The following TAFA1 variants were observed in gnomAD, a reference collection of about 807,000 sequenced individuals.
TAFA1 encodes TAFA chemokine like family member 1.
In TAFA1, 4 loss-of-function variants were observed where a neutral mutation model predicts 18.5. That is an observed-to-expected ratio of 0.22 (90% CI 0.11 to 0.49). The LOEUF (loss-of-function observed/expected upper bound fraction) is 0.49, where lower values mean the gene tolerates loss of function less well. Ranked by LOEUF, TAFA1 falls within the 20% of genes least tolerant of loss-of-function variation. The pLI, the probability that TAFA1 is intolerant of heterozygous loss-of-function variation, is 0.98. For synonymous variants in TAFA1, 56 were observed against 55.2 expected (o/e 1.01, Z -0.06); for missense variants, 147 against 169.0 (o/e 0.87, Z 0.72).
intron 2 of TAFA1, among the ~76,000 whole-genome samples, chr3:68,089,806 C>T (rs990034005): frequency 6.6e-6 from 1 of 152,126 alleles, no homozygotes; most frequent in African/African-American, 2.4e-5. Flanking sequence ...AATGTCTGGG[C>T]TAGGTCTTGT....
chr3:68,039,867 T>C (rs944929430), intron 2 of TAFA1, among the ~76,000 whole-genome samples: 2 of 152,114 alleles, frequency 1.3e-5, no homozygotes, highest in Admixed American at 1.3e-4. Flanking sequence ...AGAAGTCCCA[T>C]TGGAGGGGTG....
chr3:68,428,811 T>C (rs1286171988), intron 3 of TAFA1, among the ~76,000 whole-genome samples: 1 of 152,002 alleles, frequency 6.6e-6, no homozygotes, highest in African/African-American at 2.4e-5. Flanking sequence ...TCACATCCTT[T>C]AAATTTAGAG....
At chr3:68,447,625 A>C (rs1041805071) in intron 3 of TAFA1, among the ~76,000 whole-genome samples, 1 of 152,212 alleles carries the variant, frequency 6.6e-6, no homozygotes, top group Non-Finnish European at 1.5e-5. Context: ...GGTAGTTGAA[A>C]ATTTTAAAAA....
intron 2 of TAFA1, among the ~76,000 whole-genome samples, chr3:68,208,435 C>T (rs1157330409): frequency 6.6e-6 from 1 of 151,898 alleles, no homozygotes; most frequent in Non-Finnish European, 1.5e-5. Context: ...TATGTAGGGT[C>T]CCACCAGATT....
intron 3 of TAFA1, among the ~76,000 whole-genome samples, chr3:68,517,642 C>T (rs1355528): frequency 0.8 from 121,587 of 152,078 alleles, 48,686 homozygotes; most frequent in East Asian, 0.9. Flanking sequence ...TCCTGTCAAA[C>T]GAACTAATTC....
chr3:68,013,947 T>C (rs1041637876), intron 2 of TAFA1, among the ~76,000 whole-genome samples: 1 of 152,218 alleles, frequency 6.6e-6, no homozygotes, highest in Admixed American at 6.5e-5. Flanking sequence ...CAAGTTGTTC[T>C]CTGAGTCTGC....
At chr3:68,249,061 G>T (rs1252532253) in intron 2 of TAFA1, among the ~76,000 whole-genome samples, 1 of 151,982 alleles carries the variant, frequency 6.6e-6, no homozygotes, top group Non-Finnish European at 1.5e-5. Flanking sequence ...TCTTGAACCT[G>T]GTGCCTTCCC....
At chr3:68,458,512 A>G (rs972863477) in intron 3 of TAFA1, among the ~76,000 whole-genome samples, 1 of 152,146 alleles carries the variant, frequency 6.6e-6, no homozygotes, top group African/African-American at 2.4e-5. Context: ...TATAATTTCT[A>G]AGAGGGCTCA....
intron 2 of TAFA1, among the ~76,000 whole-genome samples, chr3:68,014,390 T>C (rs570734546): frequency 2.0e-4 from 30 of 152,250 alleles, no homozygotes; most frequent in African/African-American, 6.7e-4. Flanking sequence ...TTCTTTAAAA[T>C]TCAAAAAGTG....
chr3:68,370,355 C>CACATATATAT (rs1559637487), intron 2 of TAFA1, among the ~76,000 whole-genome samples: 45 of 57,768 alleles, frequency 7.8e-4, no homozygotes, highest in African/African-American at 3.5e-3. Flanking sequence ...TATATATATA[C>CACATATATAT]ACACACACAC....
intron 2 of TAFA1, among the ~76,000 whole-genome samples, chr3:68,409,487 T>G (rs2070672644): frequency 6.6e-6 from 1 of 152,110 alleles, no homozygotes; most frequent in Non-Finnish European, 1.5e-5. Flanking sequence ...TCCCCTGCAC[T>G]CTCTCTCCTG....
In TAFA1 at chr3:68,511,567, T is replaced by G. The variant is rs141318278; in HGVS notation, c.260-27189T>G. 2.6e-3 allele frequency among the ~76,000 whole-genome samples: 398 copies of G among 152,206 alleles called. 2 individuals are homozygous for G. Among genetic ancestry groups the G allele is most frequent in the African/African-American group, 8.9e-3 (370 of 41,554 alleles). ...AGGTTTTCATGCCTTAAAATGATTC[T>G]AAGGTATATCTTACTTTAAATAACT... On this transcript the variant is annotated intron_variant, in intron 3 of 4. Coordinates refer to ENST00000478136, the MANE Select transcript of TAFA1 (RefSeq NM_213609.4).
intron 4 of TAFA1, 129 bp from the exon 5 acceptor site, chr3:68,544,357 C>A: frequency 1.2e-6 from 1 of 854,986 alleles, no homozygotes; most frequent in Non-Finnish European, 1.9e-6. Context: ...AGATTTTTGA[C>A]TTCAGATCAC....
At chr3:68,531,760 T>C (rs868682560) in intron 3 of TAFA1, among the ~76,000 whole-genome samples, 1 of 152,046 alleles carries the variant, frequency 6.6e-6, no homozygotes, top group Non-Finnish European at 1.5e-5. Flanking sequence ...CAATTATTAT[T>C]TTAGAGAGAC....
rs1223819126 is a variant in TAFA1 at position 68,004,286 on chromosome 3, C to T, written c.-420C>T. 1 of 152,214 alleles carries T rather than the reference C, an allele frequency of 6.6e-6. No homozygotes were observed. The highest frequency in any genetic ancestry group is 1.5e-5 in the Non-Finnish European group (1 of 68,070). The allele number at this position is 152,214 out of a possible 1,614,324, so 9.4% of individuals were successfully genotyped here. ...TACAGCACCGTATAGCAGCCCTGCTCCTACATTTTGCTGCCTTACTCTGCC... is the reference window on the plus strand; with the variant it reads ...TACAGCACCGTATAGCAGCCCTGCTTCTACATTTTGCTGCCTTACTCTGCC... On this transcript the variant is annotated 5_prime_UTR_variant, in exon 1 of 5. Transcript: ENST00000478136.
intron 2 of TAFA1, among the ~76,000 whole-genome samples, chr3:68,079,414 A>G (rs143745603): frequency 0.03 from 4,610 of 151,952 alleles, 246 homozygotes; most frequent in African/African-American, 0.11. Flanking sequence ...TAGGGTGTCA[A>G]TTTTGGATCT....
chr3:68,177,599 A>G (rs1216910779), intron 2 of TAFA1, among the ~76,000 whole-genome samples: 1 of 152,188 alleles, frequency 6.6e-6, no homozygotes, highest in Non-Finnish European at 1.5e-5. Context: ...GCAGTTATCT[A>G]AAGTGTAGTC....
intron 2 of TAFA1, among the ~76,000 whole-genome samples, chr3:68,113,795 T>C (rs115411658): frequency 0.016 from 2,492 of 152,152 alleles, 71 homozygotes; most frequent in African/African-American, 0.057. Context: ...TTTTGTGACT[T>C]TGCAGTAACT....
At chr3:68,440,171 T>A (rs2071348034) in intron 3 of TAFA1, among the ~76,000 whole-genome samples, 1 of 151,938 alleles carries the variant, frequency 6.6e-6, no homozygotes, top group Non-Finnish European at 1.5e-5. Flanking sequence ...AGTGAATGAG[T>A]CTCAAAAGAG....
Sources: allele counts gnomAD v4.1 joint callset (sites outside exome capture counted in the v4.1 genomes callset), GRCh38; gene constraint gnomAD v4.1.1; transcripts MANE v1.5; gene names NCBI Gene and HGNC (gene_info 2026-07-23, HGNC 2026-07-21).